RAPGEF6: variants seen among roughly 807,000 people sequenced by gnomAD.
The protein encoded by RAPGEF6 is Rap guanine nucleotide exchange factor 6, also known as PDZ domain containing guanine nucleotide exchange factor (GEF) 2.
Under a neutral mutation model 171.4 loss-of-function variants are expected in RAPGEF6, and 56 were observed. That is an observed-to-expected ratio of 0.33 (90% CI 0.26 to 0.41). The LOEUF (loss-of-function observed/expected upper bound fraction) is 0.41. Among genes scored for constraint, RAPGEF6 ranks in the 10% least tolerant of loss-of-function variants. The pLI is 1.00. For synonymous variants in RAPGEF6, 692 were observed against 650.1 expected, an observed-to-expected ratio of 1.06 and a Z score of -0.98; for missense variants, 1,674 against 1,921.4, an observed-to-expected ratio of 0.87 and a Z score of 2.41.
chr5:131,625,495 T>G (rs898921569), intron 1 of RAPGEF6, among the ~76,000 whole-genome samples: 1 of 152,062 alleles, frequency 6.6e-6, no homozygotes, highest in African/African-American at 2.4e-5. Flanking sequence ...ACACCTGAAC[T>G]ACTGTATTTG....
At chr5:131,552,134 CA>C (rs1561556433) in intron 5 of RAPGEF6, among the ~76,000 whole-genome samples, 1 of 151,912 alleles carries the variant, frequency 6.6e-6, no homozygotes, top group Non-Finnish European at 1.5e-5. Context: ...AGAGATGAAA[CA>C]AGAGACTCTA....
intron 21 of RAPGEF6, 86 bp downstream of exon 21, chr5:131,452,964 GAATA>G: frequency 2.7e-6 from 4 of 1,466,954 alleles, no homozygotes; most frequent in Non-Finnish European, 3.6e-6. Context: ...ACACATGGTA[GAATA>G]AATATGATCA....
chr5:131,533,559 A>G (rs1170616084), intron 6 of RAPGEF6, among the ~76,000 whole-genome samples: 3 of 152,220 alleles, frequency 2.0e-5, no homozygotes, highest in Non-Finnish European at 4.4e-5. Context: ...AACCTTCAGG[A>G]TCACTCTAAA....
chr5:131,550,194 T>A (rs1309875135), intron 5 of RAPGEF6, among the ~76,000 whole-genome samples: 1 of 152,160 alleles, frequency 6.6e-6, no homozygotes, highest in Non-Finnish European at 1.5e-5. Flanking sequence ...TAGGTGATCC[T>A]GCTGCTTTAG....
intron 4 of RAPGEF6, among the ~76,000 whole-genome samples, chr5:131,579,709 T>C (rs1480501711): frequency 6.6e-6 from 1 of 152,144 alleles, no homozygotes; most frequent in East Asian, 1.9e-4. Context: ...AAGTCCCCAC[T>C]AGATTAGCTA....
chr5:131,634,712 T>C (rs1766525730), intron 1 of RAPGEF6, among the ~76,000 whole-genome samples: 1 of 152,162 alleles, frequency 6.6e-6, no homozygotes. Flanking sequence ...TTAGTAATGG[T>C]GCTTTCTTAA....
At chr5:131,510,620 G>T in intron 7 of RAPGEF6, 129 bp from the exon 8 acceptor site, 1 of 758,648 alleles carries the variant, frequency 1.3e-6, no homozygotes, top group East Asian at 2.8e-5. Flanking sequence ...GCTGCATCAA[G>T]AATACAATAA....
In RAPGEF6 at chr5:131,623,844, G is replaced by A. The variant is rs552002895; in HGVS notation, c.69+11118C>T. Among the ~76,000 whole-genome samples the A allele has an allele frequency of 2.6e-5, 4 of 152,322 alleles. No individual in the cohort carries two copies. The South Asian group carries it at 6.2e-4, about 24-fold the overall frequency. ...TATTTAGATATCTACTATGTACCAA[G>A]TACTGTGTAATGAACACTGGGAGAT... is the stretch of plus-strand genomic sequence containing the variant. On this transcript the variant is annotated intron_variant, in intron 1 of 27. Transcript: ENST00000509018.
At chr5:131,566,735 C>CT (rs544613086) in intron 4 of RAPGEF6, among the ~76,000 whole-genome samples, 4,182 of 143,158 alleles carry the variant, frequency 0.029, 148 homozygotes, top group African/African-American at 0.088. Flanking sequence ...GTTTCTTTTT[C>CT]TTTTTTTTTT....
At chr5:131,504,396 A>G (rs1757213550) in intron 11 of RAPGEF6, among the ~76,000 whole-genome samples, 1 of 151,914 alleles carries the variant, frequency 6.6e-6, no homozygotes, top group Non-Finnish European at 1.5e-5. Context: ...TGGGAGGCGG[A>G]GGTTGCAGTG....
At chr5:131,446,392 A>T in intron 22 of RAPGEF6, 91 bp downstream of exon 22, 1 of 1,242,666 alleles carries the variant, frequency 8.0e-7, no homozygotes, top group Non-Finnish European at 1.1e-6. Context: ...AGTGAAAGTT[A>T]ATTTTCTTGG....
intron 24 of RAPGEF6, chr5:131,436,489 T>C (rs1752014559): frequency 1.2e-5 from 12 of 1,043,452 alleles, no homozygotes; most frequent in Non-Finnish European, 1.6e-5. Context: ...TCTGAAAAAT[T>C]GAAATCTAGC....
chr5:131,446,684 T>G lies in RAPGEF6; in HGVS notation c.3220A>C (p.Thr1074Pro). The change falls in exon 22 of 28, where the codon ACA becomes CCA. Residue 1074 changes from threonine to proline, a missense_variant. Thr to Pro is a conservative substitution (Grantham distance 38). Around this residue, in one of 3 missense-constraint regions of RAPGEF6, gnomAD observed 1,116 missense variants for 1,321.5 expected, o/e 0.84. Transcript: ENST00000509018. ...FRQRSLSQGS[T>P]NSNMLDVQGG... Reference sequence around the variant, plus strand: ...TGAACATCCAGCATGTTTGAATTTGTGCTTCCTTGACTCAGTGACCTATAA... The same window carrying G: ...TGAACATCCAGCATGTTTGAATTTGGGCTTCCTTGACTCAGTGACCTATAA... The G allele has an allele frequency of 1.2e-6, 2 of 1,614,092 alleles. No individual in the cohort carries two copies. The highest frequency in any genetic ancestry group is 1.7e-6 in the Non-Finnish European group (2 of 1,179,924).
Position 131,498,390 on chromosome 5 carries a change from T to G in RAPGEF6, c.1419+53A>C. On this transcript the variant is annotated intron_variant, in intron 12 of 27. Transcript: ENST00000509018. Reference sequence around the variant, plus strand: ...AGGTAATCTATCAACTATAAAAGTTTCATGAATAAAATTTTGGGTTAAAAT... The same window carrying G: ...AGGTAATCTATCAACTATAAAAGTTGCATGAATAAAATTTTGGGTTAAAAT... 2.0e-6 allele frequency: 3 copies of G among 1,499,202 alleles called. No individual in the cohort carries two copies. In the South Asian group the frequency reaches 3.9e-5, roughly 19 times the overall value. 92.9% of individuals were successfully genotyped at this position (1,499,202 alleles called of 1,614,324 possible). A position where few individuals can be genotyped will look rare whatever the true frequency, so the allele number is the denominator to read the frequency against.
At chr5:131,433,279 C>T (rs1751820019) in intron 25 of RAPGEF6, 151 bp downstream of exon 25, 1 of 641,778 alleles carries the variant, frequency 1.6e-6, no homozygotes, top group South Asian at 1.9e-5. Context: ...TTTACATATT[C>T]AGAATAGAGA....
chr5:131,573,731 T>C lies in RAPGEF6; in HGVS notation c.282-11684A>G, dbSNP rs572853655. Reference sequence around the variant, plus strand: ...AAAGGCAGCATACAAAGTTGTTAATTATGACAGGCTAAAGGAAACTACCCA... The same window carrying C: ...AAAGGCAGCATACAAAGTTGTTAATCATGACAGGCTAAAGGAAACTACCCA... On this transcript the variant is annotated intron_variant, in intron 4 of 27. Coordinates refer to ENST00000509018, the MANE Select transcript of RAPGEF6 (RefSeq NM_016340.6). 3.3e-5 allele frequency among the ~76,000 whole-genome samples: 5 copies of C among 152,114 alleles called. No homozygotes were observed. In the South Asian group the frequency reaches 1.0e-3, roughly 32 times the overall value.
chr5:131,430,752 T>C, intron 26 of RAPGEF6, 107 bp downstream of exon 26: 1 of 1,413,098 alleles, frequency 7.1e-7, no homozygotes, highest in Non-Finnish European at 9.9e-7. Flanking sequence ...AGAAAGGTTG[T>C]TAGAGAATGA....
intron 1 of RAPGEF6, among the ~76,000 whole-genome samples, chr5:131,620,589 T>G (rs1765539637): frequency 6.6e-6 from 1 of 152,142 alleles, no homozygotes; most frequent in South Asian, 2.1e-4. Flanking sequence ...ATTCTTTTTT[T>G]TTTCTTTTCT....
chr5:131,611,261 C>A (rs1764917936), intron 1 of RAPGEF6, among the ~76,000 whole-genome samples: 1 of 152,206 alleles, frequency 6.6e-6, no homozygotes, highest in African/African-American at 2.4e-5. Flanking sequence ...GTTGTGACAA[C>A]TGCTTCTAAC....
Sources: gnomAD v4.1 joint callset for allele counts (sites outside exome capture counted in the v4.1 genomes callset) on GRCh38, gnomAD v4.1.1 for gene constraint, gnomAD v4.1.1 regional missense constraint, MANE v1.5 for transcripts, NCBI Gene and HGNC (gene_info 2026-07-23, HGNC 2026-07-21) for gene names.